BPI: variants seen among roughly 807,000 people sequenced by gnomAD.
BPI encodes bactericidal permeability increasing protein.
A neutral mutation model predicts 57.6 loss-of-function variants in BPI; 48 were observed. The ratio of observed to expected loss-of-function variants is 0.83; its 90% confidence interval spans 0.66 to 1.06. The LOEUF (loss-of-function observed/expected upper bound fraction) is 1.06, where lower values mean the gene tolerates loss of function less well. Ranked by LOEUF, BPI falls within the 50% of genes least tolerant of loss-of-function variation. The pLI is 0.00. For synonymous variants in BPI, 237 were observed against 238.2 expected (o/e 0.99, Z 0.05); for missense variants, 651 against 609.7 (o/e 1.07, Z -0.71).
chr20:38,330,897 C>T, intron 11 of BPI, 151 bp from the exon 12 acceptor site: 1 of 836,264 alleles, frequency 1.2e-6, no homozygotes, highest in Non-Finnish European at 1.9e-6. Context: ...CCAAAGGCAA[C>T]ATCGGGGGGC....
intron 1 of BPI, among the ~76,000 whole-genome samples, chr20:38,305,017 C>T (rs1437184222): frequency 6.6e-6 from 1 of 152,254 alleles, no homozygotes; most frequent in Non-Finnish European, 1.5e-5. Context: ...GAGCTCTGGT[C>T]TTGCCTGATG....
In BPI at chr20:38,318,488, A is replaced by G; in HGVS notation, c.664+12A>G. The stretch of plus-strand genomic sequence containing the variant: ...CCAGACTCTGCCAGGTGAGGGCTGG[A>G]TGAAGATCAAGGATAGAAAGGAACA... On this transcript the variant is annotated intron_variant, in intron 6 of 14. Coordinates refer to ENST00000642449, the MANE Select transcript of BPI (RefSeq NM_001725.3). 6.2e-7 allele frequency: 1 copy of G among 1,610,502 alleles called. No homozygotes were observed. The highest frequency in any genetic ancestry group is 8.5e-7 in the Non-Finnish European group (1 of 1,176,726).
intron 1 of BPI, among the ~76,000 whole-genome samples, chr20:38,306,876 T>C (rs1397822331): frequency 1.3e-5 from 2 of 151,970 alleles, no homozygotes; most frequent in Non-Finnish European, 2.9e-5. Context: ...TTAATGTCTT[T>C]AAATGATGGG....
In BPI at chr20:38,324,799, T is replaced by G. The variant is rs1260882546; in HGVS notation, c.959T>G (p.Leu320Arg). Residue 320 changes from leucine (L) to arginine (R), a missense_variant, in exon 9 of 15, where the codon CTG (leucine) becomes CGG (arginine). Physicochemically the swap from Leu to Arg is moderately radical, Grantham distance 102. Coordinates refer to ENST00000642449, the MANE Select transcript of BPI (RefSeq NM_001725.3). ...DMIPKESKFR[L>R]TTKFFGTFLP... ...ATTCCAAAGGAGTCCAAATTTCGAC[T>G]GACAACCAAGTTCTTTGGAACCTTC... is the stretch of plus-strand genomic sequence containing the variant. The G allele has an allele frequency of 6.2e-7, 1 of 1,613,564 alleles. No homozygotes were observed. The highest frequency in any genetic ancestry group is 2.2e-5 in the East Asian group (1 of 44,882).
chr20:38,317,642 C>T (rs971078607), intron 5 of BPI: 1 of 729,438 alleles, frequency 1.4e-6, no homozygotes, highest in Non-Finnish European at 2.5e-6. Flanking sequence ...AGAAGCAAGT[C>T]GGCAAGCCCA....
At chr20:38,309,511 A>G (rs2076612293) in intron 3 of BPI, among the ~76,000 whole-genome samples, 1 of 152,124 alleles carries the variant, frequency 6.6e-6, no homozygotes, top group African/African-American at 2.4e-5. Context: ...GGTTATGCAG[A>G]GCATATTCTT....
chr20:38,306,770 G>T (rs1600696868), intron 1 of BPI, among the ~76,000 whole-genome samples: 1 of 152,256 alleles, frequency 6.6e-6, no homozygotes, highest in East Asian at 1.9e-4. Flanking sequence ...AAACTAGCAG[G>T]AGGCATAACT....
intron 12 of BPI, among the ~76,000 whole-genome samples, chr20:38,334,018 C>T (rs1255124200): frequency 2.0e-5 from 3 of 151,788 alleles, no homozygotes; most frequent in Non-Finnish European, 4.4e-5. Context: ...CAGGCACACA[C>T]AGGCTTTGGA....
At position 38,311,935 on chromosome 20, in the gene BPI, CA is replaced by C; in HGVS notation, c.599del (p.Gln200ArgfsTer6). On this transcript the variant is annotated frameshift_variant and splice_region_variant, in exon 5 of 15. Coordinates refer to ENST00000642449, the MANE Select transcript of BPI (RefSeq NM_001725.3). LOFTEE classifies it high-confidence loss of function. The stretch of plus-strand genomic sequence containing the variant: ...TGCGCTTCGAAACAAGATGAACAGC[CA>C]GGTAGGAGGGGCTCAGAGCCCCATC... The part of the protein sequence containing the change: ...ESALRNKMNS[Q>X]VCEKVTNSVS... 1 of 1,613,900 alleles carries C rather than the reference CA, an allele frequency of 6.2e-7. No homozygotes were observed. The highest frequency in any genetic ancestry group is 8.5e-7 in the Non-Finnish European group (1 of 1,179,964).
chr20:38,315,960 G>A (rs566409311), intron 5 of BPI, among the ~76,000 whole-genome samples: 1 of 151,684 alleles, frequency 6.6e-6, no homozygotes, highest in Non-Finnish European at 1.5e-5. Flanking sequence ...AGCCTCCCGA[G>A]TAGCTGGGAT....
chr20:38,306,976 A>G (rs1246646039), intron 1 of BPI, among the ~76,000 whole-genome samples: 2 of 152,092 alleles, frequency 1.3e-5, no homozygotes, highest in Admixed American at 1.3e-4. Context: ...TGAGCCCAGG[A>G]GTTCGAAACC....
intron 3 of BPI, 24 bp from the exon 4 acceptor site, chr20:38,310,467 A>G (rs1364932926): frequency 1.9e-6 from 3 of 1,606,554 alleles, no homozygotes; most frequent in East Asian, 2.2e-5. Flanking sequence ...GACTTGTCCC[A>G]CATTCCTCTT....
chr20:38,309,697 C>T (rs1461444815), intron 3 of BPI, among the ~76,000 whole-genome samples: 2 of 152,214 alleles, frequency 1.3e-5, no homozygotes, highest in African/African-American at 2.4e-5. Flanking sequence ...GGTATGAATG[C>T]AGGGCAGGGT....
intron 12 of BPI, 102 bp downstream of exon 12, chr20:38,331,192 A>C: frequency 7.3e-7 from 1 of 1,373,710 alleles, no homozygotes; most frequent in Non-Finnish European, 1.0e-6. Flanking sequence ...CTACTGGCTC[A>C]TTTGCATTTA....
chr20:38,320,036 TC>T, intron 6 of BPI, 146 bp from the exon 7 acceptor site: 1 of 652,190 alleles, frequency 1.5e-6, no homozygotes, highest in Non-Finnish European at 2.7e-6. Flanking sequence ...TAAGGCGAGC[TC>T]CCTTAAGGAG....
At chr20:38,307,350 G>A (rs1410131703) in intron 1 of BPI, among the ~76,000 whole-genome samples, 2 of 152,230 alleles carry the variant, frequency 1.3e-5, no homozygotes, top group Non-Finnish European at 2.9e-5. Flanking sequence ...AGTAATGGCA[G>A]AGCTGAGTAT....
At chr20:38,308,805 C>G (rs1268412245) in intron 2 of BPI, 125 bp from the exon 3 acceptor site, 10 of 1,318,232 alleles carry the variant, frequency 7.6e-6, no homozygotes, top group Non-Finnish European at 1.1e-5. Context: ...TTGGGCTCCT[C>G]CTGGAATGGA....
chr20:38,306,379 G>C (rs1478321732), intron 1 of BPI, among the ~76,000 whole-genome samples: 1 of 152,220 alleles, frequency 6.6e-6, no homozygotes, highest in Non-Finnish European at 1.5e-5. Flanking sequence ...AGGCACAATG[G>C]GAATGTAAGG....
chr20:38,310,982 C>G (rs1196239979), intron 4 of BPI, among the ~76,000 whole-genome samples: 2 of 152,214 alleles, frequency 1.3e-5, no homozygotes, highest in South Asian at 2.1e-4. Flanking sequence ...CAACAAATAC[C>G]TAGTGAGAAT....
Sources: allele counts gnomAD v4.1 joint callset (sites outside exome capture counted in the v4.1 genomes callset), GRCh38; gene constraint gnomAD v4.1.1; transcripts MANE v1.5; gene names NCBI Gene and HGNC (gene_info 2026-07-23, HGNC 2026-07-21).